The following SGCD variants were observed in gnomAD, a reference collection of about 807,000 sequenced individuals.
SGCD encodes sarcoglycan delta.
Under a neutral mutation model 36.6 loss-of-function variants are expected in SGCD, and 18 were observed. The observed-to-expected ratio is 0.49, with a 90% CI of 0.34 to 0.73. The LOEUF is 0.73. Ranked by LOEUF, SGCD falls within the 30% of genes least tolerant of loss-of-function variation. The probability of loss-of-function intolerance (pLI) is 0.01; values close to 1 mark genes in which losing one functional copy is unlikely to be tolerated. For synonymous variants in SGCD, 133 were observed against 130.6 expected (o/e 1.02, Z -0.12); for missense variants, 387 against 346.7 (o/e 1.12, Z -0.92).
chr5:155,938,611 A>G (rs571874079), intron 1 of SGCD, among the ~76,000 whole-genome samples: 4 of 152,292 alleles, frequency 2.6e-5, no homozygotes, highest in South Asian at 2.1e-4. Flanking sequence ...TACTATGGCA[A>G]TGGTTTTTCC....
chr5:156,115,319 A>G (rs952265691), intron 1 of SGCD, among the ~76,000 whole-genome samples: 3 of 152,054 alleles, frequency 2.0e-5, no homozygotes, highest in Non-Finnish European at 2.9e-5. Flanking sequence ...TCTGGCAAAT[A>G]GTTATCTTTT....
chr5:155,848,412 A>T, the SGCD span, among the ~76,000 whole-genome samples: 1 of 152,298 alleles, frequency 6.6e-6, no homozygotes, highest in Admixed American at 6.5e-5. Context: ...GTGCCAGGGC[A>T]GAAAGCGTGG....
intron 7 of SGCD, among the ~76,000 whole-genome samples, chr5:156,720,400 G>C (rs1006455119): frequency 6.6e-6 from 1 of 152,208 alleles, no homozygotes; most frequent in Non-Finnish European, 1.5e-5. Flanking sequence ...TGAAGGGACT[G>C]AGCCAAGTAT....
intron 1 of SGCD, among the ~76,000 whole-genome samples, chr5:156,047,125 T>C (rs960413236): frequency 3.9e-5 from 6 of 152,152 alleles, no homozygotes; most frequent in African/African-American, 1.2e-4. Context: ...TCTTCAATTC[T>C]GTGAAAGCTG....
At chr5:156,128,319 C>A (rs1581116386) in intron 3 of SGCD, among the ~76,000 whole-genome samples, 1 of 152,242 alleles carries the variant, frequency 6.6e-6, no homozygotes, top group Non-Finnish European at 1.5e-5. Flanking sequence ...CTTTGAAAAC[C>A]AATTTGGCAG....
chr5:155,848,419 G>A, the SGCD span, among the ~76,000 whole-genome samples: 2 of 152,136 alleles, frequency 1.3e-5, no homozygotes, highest in Non-Finnish European at 2.9e-5. Flanking sequence ...GGCAGAAAGC[G>A]TGGGCAGAAA....
At chr5:156,223,120 G>A (rs1303941060) in intron 3 of SGCD, among the ~76,000 whole-genome samples, 1 of 152,058 alleles carries the variant, frequency 6.6e-6, no homozygotes, top group Non-Finnish European at 1.5e-5. Context: ...GGCAGTGGGT[G>A]GTCTTTTTCC....
At chr5:156,324,409 GA>G (rs1767750932), upstream of SGCD, among the ~76,000 whole-genome samples, 1 of 151,960 alleles carries the variant, frequency 6.6e-6, no homozygotes, top group African/African-American at 2.4e-5. Context: ...TACTTCTTGA[GA>G]GGGCCTGTGA....
At chr5:155,738,754 AAG>A in the SGCD span, among the ~76,000 whole-genome samples, 41 of 126,710 alleles carry the variant, frequency 3.2e-4, no homozygotes, top group Admixed American at 1.1e-3. Context: ...ATGTGAGTGT[AAG>A]AGAGTGTGAG....
At chr5:156,427,687 T>A (rs914856609) in intron 3 of SGCD, among the ~76,000 whole-genome samples, 4 of 152,166 alleles carry the variant, frequency 2.6e-5, no homozygotes, top group Admixed American at 2.0e-4. Context: ...CATAGATGGC[T>A]TTTATTACTT....
rs75982135 is a variant in SGCD, at chr5:156,371,215, G to A, written c.192+26538G>A. Reference sequence around the variant, plus strand: ...TGAGACCAATTGAAGCAGTCCTTATGTTTGTATCATGAAAACCAATTGTTT... The same window carrying A: ...TGAGACCAATTGAAGCAGTCCTTATATTTGTATCATGAAAACCAATTGTTT... On this transcript the variant is annotated intron_variant, in intron 3 of 8. Transcript: ENST00000337851. Among the ~76,000 whole-genome samples the A allele has an allele frequency of 3.1e-3, 470 of 152,236 alleles. 7 individuals are homozygous for A. The highest frequency in any genetic ancestry group is 0.011 in the African/African-American group (442 of 41,548).
At chr5:156,612,549 C>G (rs980141806) in intron 6 of SGCD, among the ~76,000 whole-genome samples, 1 of 152,266 alleles carries the variant, frequency 6.6e-6, no homozygotes, top group Non-Finnish European at 1.5e-5. Flanking sequence ...TACAGCAAGT[C>G]AGCCAGCTGT....
At chr5:156,268,847 G>A (rs1766075205) in intron 3 of SGCD, among the ~76,000 whole-genome samples, 1 of 152,148 alleles carries the variant, frequency 6.6e-6, no homozygotes, top group Admixed American at 6.5e-5. Flanking sequence ...ACCTGCCTCA[G>A]CCTCCCAAAG....
At chr5:156,309,022 G>A (rs1044323796) in intron 3 of SGCD, among the ~76,000 whole-genome samples, 14 of 151,910 alleles carry the variant, frequency 9.2e-5, no homozygotes, top group Admixed American at 4.6e-4. Context: ...TAAATTTATT[G>A]AGAATCCCTT....
chr5:156,376,041 G>C (rs1770651301), intron 3 of SGCD, among the ~76,000 whole-genome samples: 1 of 152,108 alleles, frequency 6.6e-6, no homozygotes, highest in Non-Finnish European at 1.5e-5. Context: ...CTTCATATCA[G>C]TGCTTAACCG....
intron 3 of SGCD, among the ~76,000 whole-genome samples, chr5:156,161,000 G>A (rs1207539100): frequency 6.6e-6 from 1 of 151,724 alleles, no homozygotes; most frequent in Non-Finnish European, 1.5e-5. Context: ...GGCTGTGGTT[G>A]AGTTCCAATA....
chr5:156,652,144 T>C (rs909942200), intron 7 of SGCD, among the ~76,000 whole-genome samples: 1 of 152,104 alleles, frequency 6.6e-6, no homozygotes, highest in Non-Finnish European at 1.5e-5. Flanking sequence ...ATTTCAGTCC[T>C]AGGAGCCTTT....
chr5:156,604,079 A>C (rs6890122), intron 6 of SGCD, among the ~76,000 whole-genome samples: 1 of 151,676 alleles, frequency 6.6e-6, no homozygotes, highest in Non-Finnish European at 1.5e-5. Flanking sequence ...AGTGCTTTGG[A>C]ATTGGGTTTC....
At chr5:156,415,375 A>C (rs750207725) in intron 3 of SGCD, among the ~76,000 whole-genome samples, 17 of 152,022 alleles carry the variant, frequency 1.1e-4, no homozygotes, top group Non-Finnish European at 2.1e-4. Flanking sequence ...ATGAAAGGAG[A>C]GGTTATCTAA....
Sources: gnomAD v4.1 joint callset for allele counts (sites outside exome capture counted in the v4.1 genomes callset) on GRCh38, gnomAD v4.1.1 for gene constraint, MANE v1.5 for transcripts, NCBI Gene and HGNC (gene_info 2026-07-23, HGNC 2026-07-21) for gene names.